PCDHA12: variants seen among roughly 807,000 people sequenced by gnomAD.
PCDHA12 encodes the protein protocadherin alpha 12.
PCDHA12 carries 44 observed loss-of-function variants against 60.0 expected under a neutral mutation model. The observed-to-expected ratio is 0.73, with a 90% CI of 0.58 to 0.94. PCDHA12 has a LOEUF of 0.94. PCDHA12 is among the 40% of genes least tolerant of loss of function. PCDHA12 has a pLI of 0.00. For synonymous variants in PCDHA12, 569 were observed against 553.0 expected (o/e 1.03, Z -0.40); for missense variants, 1,276 against 1,239.7 (o/e 1.03, Z -0.44).
At chr5:140,927,186 C>T in intron 1 of PCDHA12, 1 of 1,614,174 alleles carries the variant, frequency 6.2e-7, no homozygotes, top group East Asian at 2.2e-5. Context: ...TGACCTACGA[C>T]CTGGTGCTCG....
intron 3 of PCDHA12, among the ~76,000 whole-genome samples, chr5:140,994,878 A>G (rs1034578696): frequency 2.0e-5 from 3 of 152,170 alleles, no homozygotes; most frequent in Non-Finnish European, 4.4e-5. Context: ...GAATAAAGAG[A>G]TGTTAGGAAA....
intron 1 of PCDHA12, among the ~76,000 whole-genome samples, chr5:140,906,383 T>A (rs1386557574): frequency 6.6e-6 from 1 of 152,214 alleles, no homozygotes; most frequent in African/African-American, 2.4e-5. Context: ...TTACATAAAG[T>A]TAACATTTAA....
chr5:141,003,074 G>A (rs941146075), intron 3 of PCDHA12, among the ~76,000 whole-genome samples: 2 of 152,224 alleles, frequency 1.3e-5, no homozygotes, highest in Non-Finnish European at 2.9e-5. Flanking sequence ...GCAGATGAGG[G>A]TGAGTTTAAC....
At chr5:140,902,854 C>T (rs186872091) in intron 1 of PCDHA12, among the ~76,000 whole-genome samples, 154 of 152,240 alleles carry the variant, frequency 1.0e-3, no homozygotes, top group Middle Eastern at 3.4e-3. Flanking sequence ...AGAAAAATGG[C>T]GTCCAGGTCC....
At chr5:140,998,136 C>T (rs2153950850) in intron 3 of PCDHA12, among the ~76,000 whole-genome samples, 1 of 152,308 alleles carries the variant, frequency 6.6e-6, no homozygotes, top group South Asian at 2.1e-4. Context: ...TAATAGCTAA[C>T]CTGTACTGAA....
At chr5:140,943,529 A>T (rs1291911076) in intron 1 of PCDHA12, among the ~76,000 whole-genome samples, 1 of 152,220 alleles carries the variant, frequency 6.6e-6, no homozygotes, top group Non-Finnish European at 1.5e-5. Context: ...TCAGTATGCA[A>T]AATGTCATGT....
At chr5:141,001,097 T>TC (rs1554257999) in intron 3 of PCDHA12, among the ~76,000 whole-genome samples, 1 of 152,114 alleles carries the variant, frequency 6.6e-6, no homozygotes, top group Non-Finnish European at 1.5e-5. Flanking sequence ...AACTGTCTAA[T>TC]CCATAATAAG....
At chr5:140,913,966 A>C (rs2076538227) in intron 1 of PCDHA12, among the ~76,000 whole-genome samples, 1 of 152,156 alleles carries the variant, frequency 6.6e-6, no homozygotes, top group Non-Finnish European at 1.5e-5. Context: ...TTTTTAAAAA[A>C]ATATTTTAGG....
chr5:140,885,161 T>C (rs1554182019), intron 1 of PCDHA12, among the ~76,000 whole-genome samples: 1 of 151,600 alleles, frequency 6.6e-6, no homozygotes, highest in Non-Finnish European at 1.5e-5. Flanking sequence ...TTGTCTCTAC[T>C]TTTTTGTCCT....
intron 1 of PCDHA12, among the ~76,000 whole-genome samples, chr5:140,952,764 G>A (rs1554220603): frequency 6.6e-6 from 1 of 152,116 alleles, no homozygotes; most frequent in Non-Finnish European, 1.5e-5. Flanking sequence ...CCTGAGACTG[G>A]ATAATTTAGA....
chr5:140,969,051 A>T (rs908108421), intron 1 of PCDHA12: 3 of 1,614,062 alleles, frequency 1.9e-6, no homozygotes, highest in Non-Finnish European at 1.7e-6. Context: ...CAAGCCAACA[A>T]CAATATTGAT....
At chr5:140,887,157 C>T (rs1200573671) in intron 1 of PCDHA12, among the ~76,000 whole-genome samples, 4 of 151,110 alleles carry the variant, frequency 2.6e-5, no homozygotes, top group African/African-American at 9.7e-5. Flanking sequence ...AGTACAGTGG[C>T]GTGATCTCGG....
At chr5:140,909,087 T>G (rs2074309493) in intron 1 of PCDHA12, among the ~76,000 whole-genome samples, 1 of 152,234 alleles carries the variant, frequency 6.6e-6, no homozygotes, top group Admixed American at 6.5e-5. Flanking sequence ...TGTTTGCTAC[T>G]TCTCACTCAC....
At chr5:141,006,612 AAGG>A (rs2098279964) in intron 3 of PCDHA12, among the ~76,000 whole-genome samples, 1 of 152,204 alleles carries the variant, frequency 6.6e-6, no homozygotes, top group African/African-American at 2.4e-5. Flanking sequence ...CAGACTGAAT[AAGG>A]AGACTATTGC....
chr5:140,969,177 A>C, intron 1 of PCDHA12: 2 of 1,614,086 alleles, frequency 1.2e-6, no homozygotes, highest in Non-Finnish European at 1.7e-6. Flanking sequence ...TCAGGGAGTG[A>C]CACTTTCATG....
intron 1 of PCDHA12, among the ~76,000 whole-genome samples, chr5:140,897,588 T>C (rs1554187466): frequency 6.6e-6 from 1 of 152,172 alleles, no homozygotes; most frequent in African/African-American, 2.4e-5. Flanking sequence ...CAGTCTGTCA[T>C]TGTTGGACAT....
intron 1 of PCDHA12, chr5:140,966,420 G>C (rs2096000872): frequency 2.4e-6 from 1 of 421,302 alleles, no homozygotes; most frequent in South Asian, 1.0e-4. Flanking sequence ...AGCAGGACTT[G>C]CTGAGCCCTC....
At chr5:140,968,044 A>G (rs959631573) in intron 1 of PCDHA12, 2 of 1,614,024 alleles carry the variant, frequency 1.2e-6, no homozygotes, top group Non-Finnish European at 1.7e-6. Context: ...TGAGCGGCCC[A>G]CTGGACCGAG....
chr5:140,966,970 G>C, intron 1 of PCDHA12: 1 of 1,602,870 alleles, frequency 6.2e-7, no homozygotes, highest in Non-Finnish European at 8.5e-7. Flanking sequence ...TGGGGCTTGA[G>C]CTGCGGCGCT....
Sources: gnomAD v4.1 joint callset for allele counts (sites outside exome capture counted in the v4.1 genomes callset) on GRCh38, gnomAD v4.1.1 for gene constraint, MANE v1.5 for transcripts, NCBI Gene and HGNC (gene_info 2026-07-23, HGNC 2026-07-21) for gene names.